Variants in ZBTB10 observed in about 807,000 individuals in gnomAD.
ZBTB10 encodes the protein zinc finger and BTB domain containing 10, also known as zinc finger and BTB domain-containing protein 10.
Under a neutral mutation model 76.4 loss-of-function variants are expected in ZBTB10, and 32 were observed. The observed-to-expected ratio is 0.42, with a 90% CI of 0.32 to 0.56. The LOEUF is 0.56. Among genes scored for constraint, ZBTB10 ranks in the 20% least tolerant of loss-of-function variants. The pLI is 0.14. For missense variants in ZBTB10, 1,057 were observed against 1,098.5 expected, an observed-to-expected ratio of 0.96 and a Z score of 0.53; for synonymous variants, 523 against 432.9, an observed-to-expected ratio of 1.21 and a Z score of -2.58.
rs1412849223 is a variant in ZBTB10, at chr8:80,521,021, A to T, written c.*1493A>T. The T allele has an allele frequency of 6.6e-6, 1 of 151,982 alleles. No individual in the cohort carries two copies. The highest frequency in any genetic ancestry group is 2.4e-5 in the African/African-American group (1 of 41,438). The allele number at this position is 151,982 out of a possible 1,614,324, so 9.4% of individuals were successfully genotyped here. On this transcript the variant is annotated 3_prime_UTR_variant, in exon 6 of 6. Transcript: ENST00000455036. ...CTATTTTATATCAGGTAACTAAATT[A>T]TGCTAGTTATGTGGAAAAAATTGCA...
chr8:80,511,050 A>C (rs920338541), intron 2 of ZBTB10, among the ~76,000 whole-genome samples: 13 of 152,204 alleles, frequency 8.5e-5, no homozygotes, highest in Admixed American at 8.5e-4. Context: ...GTGACGTAAT[A>C]TATTGGTTCC....
Position 80,487,816 on chromosome 8 carries a change from C to A in ZBTB10, c.972+34C>A, listed in dbSNP as rs375554112. 77 of 1,519,708 alleles carry A rather than the reference C, an allele frequency of 5.1e-5. No individual in the cohort carries two copies. In the African/African-American group the frequency reaches 7.9e-4, roughly 16 times the overall value. The allele number at this position is 1,519,708 out of a possible 1,614,324, so 94.1% of individuals were successfully genotyped here. ...TATCCTGCTCCTACTTTTTTGAGAT[C>A]TTTTAGGGAAAGGTTTATCAGCACT... On this transcript the variant is annotated intron_variant, in intron 1 of 5. Coordinates refer to ENST00000455036, the MANE Select transcript of ZBTB10 (RefSeq NM_001105539.3).
chr8:80,490,365 A>AGCTAGAACTACAGGT (rs1311309612), intron 1 of ZBTB10, among the ~76,000 whole-genome samples: 4 of 152,104 alleles, frequency 2.6e-5, no homozygotes, highest in African/African-American at 9.7e-5. Context: ...CCTCCCGAGT[A>AGCTAGAACTACAGGT]GCTAGAACTA....
At position 80,499,549 on chromosome 8, in the gene ZBTB10, A is replaced by C; in HGVS notation, c.1028A>C (p.Glu343Ala). The change falls in exon 2 of 6, where the codon GAG becomes GCG. Residue 343 changes from glutamate (E) to alanine (A), a missense_variant. Glu to Ala is a moderately radical substitution (Grantham distance 107). Around this residue, in one of 5 missense-constraint regions of ZBTB10, gnomAD observed 86 missense variants for 145.7 expected, o/e 0.59. Transcript: ENST00000455036. ...GYCDFNSRPN[E>A]NSYCYQLLRQ... ...TGTGACTTTAATAGTAGGCCAAATG[A>C]GAACTCTTATTGCTATCAACTTCTG... The C allele has an allele frequency of 6.2e-7, 1 of 1,613,840 alleles. No individual in the cohort carries two copies. Among genetic ancestry groups the C allele is most frequent in the Non-Finnish European group, 8.5e-7 (1 of 1,179,832 alleles).
chr8:80,512,357 T>C (rs1020047448), intron 2 of ZBTB10, among the ~76,000 whole-genome samples: 3 of 152,218 alleles, frequency 2.0e-5, no homozygotes, highest in Non-Finnish European at 4.4e-5. Flanking sequence ...TAATTCCTTC[T>C]CTTCGCAGCA....
At position 80,491,752 on chromosome 8, in the gene ZBTB10, C is replaced by G. The variant is rs75875203; in HGVS notation, c.972+3970C>G. Among the ~76,000 whole-genome samples, 629 of 152,298 alleles carry G rather than the reference C, an allele frequency of 4.1e-3. 4 individuals are homozygous for G. Among genetic ancestry groups the G allele is most frequent in the African/African-American group, 0.014 (593 of 41,562 alleles). On this transcript the variant is annotated intron_variant, in intron 1 of 5. Transcript: ENST00000455036. ...ATTTGGCCCAGAAGACTTTAAAATT[C>G]CTTAATAACAGTGATTACCAGTTAT...
rs899837509 is a variant in ZBTB10, at chr8:80,523,855, A to G, written c.*4327A>G. 3 of 152,112 alleles carry G rather than the reference A, an allele frequency of 2.0e-5. No individual in the cohort carries two copies. Among genetic ancestry groups the G allele is most frequent in the Non-Finnish European group, 4.4e-5 (3 of 67,872 alleles). The allele number at this position is 152,112 out of a possible 1,614,324, so 9.4% of individuals were successfully genotyped here. A position where few individuals can be genotyped will look rare whatever the true frequency, so the allele number is the denominator to read the frequency against. On this transcript the variant is annotated 3_prime_UTR_variant, in exon 6 of 6. Transcript: ENST00000455036. Reference sequence around the variant, plus strand: ...TGGCATTTTGAACACTGTAAACAAAAGAACACTTCCGCCTGCTGTTTGTAA... The same window carrying G: ...TGGCATTTTGAACACTGTAAACAAAGGAACACTTCCGCCTGCTGTTTGTAA...
rs773074047 is a variant in ZBTB10 at position 80,517,871 on chromosome 8, CTTTT to C, written c.1961-510_1961-507del. Among the ~76,000 whole-genome samples, 411 of 76,816 alleles carry C rather than the reference CTTTT, an allele frequency of 5.4e-3. 3 individuals carry two copies. The highest frequency in any genetic ancestry group is 0.022 in the African/African-American group (367 of 16,566). The allele number at this position is 76,816 out of a possible 152,430, so 50.4% of individuals were successfully genotyped here. A position where few individuals can be genotyped will look rare whatever the true frequency, so the allele number is the denominator to read the frequency against. The stretch of plus-strand genomic sequence containing the variant: ...CATGTTTTTTTCTCCCGCCCGCCAC[CTTTT>C]TTTTTTTTTTTTTTTTTTTTTGAGA... On this transcript the variant is annotated intron_variant, in intron 3 of 5. Coordinates refer to ENST00000455036, the MANE Select transcript of ZBTB10 (RefSeq NM_001105539.3).
chr8:80,525,823 A>G lies in ZBTB10; in HGVS notation c.*6295A>G, dbSNP rs1339763038. The G allele has an allele frequency of 6.6e-6, 1 of 152,202 alleles. No homozygotes were observed. Among genetic ancestry groups the G allele is most frequent in the African/African-American group, 2.4e-5 (1 of 41,460 alleles). The allele number at this position is 152,202 out of a possible 1,614,324, so 9.4% of individuals were successfully genotyped here. ...ATTTACTAAGTGAGTGACAAAAGGC[A>G]CTAGCAACTTTAAGGATTTTGCCTA... On this transcript the variant is annotated 3_prime_UTR_variant, in exon 6 of 6. Transcript: ENST00000455036.
In ZBTB10 at chr8:80,487,311, G is replaced by C. The variant is rs753893677; in HGVS notation, c.501G>C (p.Ala167=). 6.5e-7 allele frequency: 1 copy of C among 1,544,330 alleles called. No homozygotes were observed. The part of the protein sequence containing the change: ...GPATVDLELD[A]LEGKELMQDG... ...CGACTGTGGATCTGGAGCTGGACGC[G>C]CTGGAGGGGAAGGAGTTGATGCAGG... Residue 167 remains alanine (A), a synonymous_variant, in exon 1 of 6, where the codon GCG becomes GCC. Transcript: ENST00000455036.
chr8:80,486,233 A>C lies in ZBTB10; in HGVS notation c.-578A>C. On this transcript the variant is annotated 5_prime_UTR_variant, in exon 1 of 6. Transcript: ENST00000455036. ...GCGCACGGTCCGTTGTTCATTTGCC[A>C]TTCGACCTCCGCCAGGGCCTGGTCG... 2 of 1,035,776 alleles carry C rather than the reference A, an allele frequency of 1.9e-6. No homozygotes were observed. The highest frequency in any genetic ancestry group is 1.7e-5 in the African/African-American group (1 of 57,346). The allele number at this position is 1,035,776 out of a possible 1,614,324, so 64.2% of individuals were successfully genotyped here.
At chr8:80,517,844 T>A (rs1323287121) in intron 3 of ZBTB10, among the ~76,000 whole-genome samples, 1 of 147,460 alleles carries the variant, frequency 6.8e-6, no homozygotes, top group Admixed American at 6.7e-5. Flanking sequence ...TTAAATGATA[T>A]TCATGTTTTT....
chr8:80,495,378 T>C (rs1815756197), intron 1 of ZBTB10, among the ~76,000 whole-genome samples: 1 of 152,060 alleles, frequency 6.6e-6, no homozygotes, highest in Admixed American at 6.6e-5. Context: ...ATAGACCATC[T>C]TATGTTTTTT....
intron 1 of ZBTB10, among the ~76,000 whole-genome samples, chr8:80,488,641 G>A (rs1208732006): frequency 6.6e-6 from 1 of 152,210 alleles, no homozygotes; most frequent in Non-Finnish European, 1.5e-5. Context: ...CAAGTAAGCT[G>A]TATTTTAGTT....
At chr8:80,507,200 C>T (rs894664789) in intron 2 of ZBTB10, among the ~76,000 whole-genome samples, 1 of 151,494 alleles carries the variant, frequency 6.6e-6, no homozygotes, top group Non-Finnish European at 1.5e-5. Flanking sequence ...CCCAGCTACT[C>T]GGGAGGCTGA....
At chr8:80,486,056 CG>C, upstream of ZBTB10, 1 of 1,049,970 alleles carries the variant, frequency 9.5e-7, no homozygotes, top group African/African-American at 1.7e-5. Context: ...GCCGCACCCC[CG>C]CCCCCAGGCC....
At chr8:80,485,918 G>C (rs1186392954), upstream of ZBTB10, 1 of 1,526,888 alleles carries the variant, frequency 6.5e-7, no homozygotes, top group South Asian at 1.2e-5. Flanking sequence ...GCCAGACCCT[G>C]ACACTCGCCA....
At chr8:80,488,220 A>C (rs1426622203) in intron 1 of ZBTB10, among the ~76,000 whole-genome samples, 1 of 152,234 alleles carries the variant, frequency 6.6e-6, no homozygotes, top group Non-Finnish European at 1.5e-5. Flanking sequence ...AGAATGGATT[A>C]AACAGTTTAC....
At chr8:80,487,848 AC>A (rs1815519182) in intron 1 of ZBTB10, 66 bp downstream of exon 1, 1 of 1,461,258 alleles carries the variant, frequency 6.8e-7, no homozygotes, top group Non-Finnish European at 9.0e-7. Flanking sequence ...CACTCCCTTC[AC>A]CCCCACCCAC....
Sources: gnomAD v4.1 joint callset for allele counts (sites outside exome capture counted in the v4.1 genomes callset) on GRCh38, gnomAD v4.1.1 for gene constraint, gnomAD v4.1.1 regional missense constraint, MANE v1.5 for transcripts, NCBI Gene and HGNC (gene_info 2026-07-23, HGNC 2026-07-21) for gene names.